Variants in ERMARD observed in about 807,000 individuals in gnomAD.
ERMARD encodes ER membrane associated RNA degradation, also known as endoplasmic reticulum membrane-associated RNA degradation protein.
ERMARD carries 71 observed loss-of-function variants against 83.9 expected under a neutral mutation model. That is an observed-to-expected ratio of 0.85 (90% confidence interval 0.70 to 1.03). The LOEUF (loss-of-function observed/expected upper bound fraction) is 1.03. ERMARD is among the 50% of genes least tolerant of loss of function. The pLI, the probability that ERMARD is intolerant of heterozygous loss-of-function variation, is 0.00. For missense variants in ERMARD, 838 were observed against 810.9 expected (o/e 1.03, Z -0.41); for synonymous variants, 284 against 298.6 (o/e 0.95, Z 0.50).
rs1791441599 is a variant in ERMARD at position 169,760,720 on chromosome 6, AT to A, written c.823del (p.Trp275GlyfsTer21). On this transcript the variant is annotated frameshift_variant, in exon 8 of 18. Transcript: ENST00000366773. LOFTEE classifies it high-confidence loss of function. ...SAFILKIMLP[Y>X]WEVALVKFKS... Reference sequence around the variant, plus strand: ...TTTATATTAAAAATCATGTTACCATATTGGGAAGTTGCACTGGTCAAGTTCA... The same window carrying A: ...TTTATATTAAAAATCATGTTACCATATGGGAAGTTGCACTGGTCAAGTTCA... 1 of 1,614,048 alleles carries A rather than the reference AT, an allele frequency of 6.2e-7. No homozygotes were observed.
Position 169,759,083 on chromosome 6 carries a change from A to T in ERMARD, c.605+18A>T. Reference sequence around the variant, plus strand: ...CCTCCAAAGTAAGTTGCAAGTGAAGACATTTTCTTCCTTTTTTGGATCTAC... The same window carrying T: ...CCTCCAAAGTAAGTTGCAAGTGAAGTCATTTTCTTCCTTTTTTGGATCTAC... On this transcript the variant is annotated intron_variant, in intron 6 of 17. Transcript: ENST00000366773. 6.3e-7 allele frequency: 1 copy of T among 1,598,924 alleles called. No individual in the cohort carries two copies. The highest frequency in any genetic ancestry group is 8.6e-7 in the Non-Finnish European group (1 of 1,169,442).
intron 1 of ERMARD, 58 bp downstream of exon 1, chr6:169,751,721 C>A: frequency 6.6e-7 from 1 of 1,510,592 alleles, no homozygotes; most frequent in Non-Finnish European, 8.9e-7. Flanking sequence ...CGGCGCCAGG[C>A]TGGGTGGTGC....
intron 3 of ERMARD, among the ~76,000 whole-genome samples, 192 bp from the exon 4 acceptor site, chr6:169,756,146 G>A (rs1442090849): frequency 6.6e-6 from 1 of 152,068 alleles, no homozygotes. Flanking sequence ...AACCTTCAAG[G>A]AATTCTTTAG....
At chr6:169,758,191 C>A (rs1259595580) in intron 5 of ERMARD, among the ~76,000 whole-genome samples, 1 of 152,176 alleles carries the variant, frequency 6.6e-6, no homozygotes, top group Non-Finnish European at 1.5e-5. Context: ...AGCCATCTTT[C>A]ACATGCATGA....
rs767328692 is a variant in ERMARD, at chr6:169,756,319, T to C, written c.316-19T>C. 2.0e-6 allele frequency: 3 copies of C among 1,468,420 alleles called. No homozygotes were observed. The highest frequency in any genetic ancestry group is 2.4e-5 in the South Asian group (2 of 84,450). The allele number at this position is 1,468,420 out of a possible 1,614,324, so 91.0% of individuals were successfully genotyped here. On this transcript the variant is annotated intron_variant, in intron 3 of 17. Coordinates refer to ENST00000366773, the MANE Select transcript of ERMARD (RefSeq NM_018341.3). ...TAGTTTCAGAGTGTACATCCTAATA[T>C]GTGTTTTATTGTAAATAGTTATTTC...
intron 9 of ERMARD, among the ~76,000 whole-genome samples, chr6:169,763,032 AC>A (rs1349273752): frequency 6.6e-6 from 1 of 152,236 alleles, no homozygotes; most frequent in Non-Finnish European, 1.5e-5. Context: ...GTGTACACAC[AC>A]GCGTACACAC....
chr6:169,764,107 C>T (rs563453744), intron 9 of ERMARD, among the ~76,000 whole-genome samples: 87 of 152,350 alleles, frequency 5.7e-4, no homozygotes, highest in Non-Finnish European at 6.9e-4. Flanking sequence ...CCAGCACAGC[C>T]GGTGGTTTCC....
intron 2 of ERMARD, among the ~76,000 whole-genome samples, chr6:169,754,428 A>G (rs1226053760): frequency 1.3e-5 from 2 of 152,186 alleles, no homozygotes; most frequent in Non-Finnish European, 2.9e-5. Flanking sequence ...TGGAGCAGAG[A>G]TATAGGTGGG....
upstream of ERMARD, chr6:169,751,550 C>A: frequency 6.2e-7 from 1 of 1,610,740 alleles, no homozygotes; most frequent in Non-Finnish European, 8.5e-7. Flanking sequence ...AGTCTCCCAC[C>A]TGCGCCTCGT....
intron 6 of ERMARD, 62 bp downstream of exon 6, chr6:169,759,127 T>C: frequency 7.4e-7 from 1 of 1,359,726 alleles, no homozygotes; most frequent in Non-Finnish European, 1.0e-6. Context: ...TTTTTAAATT[T>C]TGAATTTCAT....
chr6:169,777,598 CACTT>C (rs1006205878), intron 16 of ERMARD, among the ~76,000 whole-genome samples: 116 of 152,270 alleles, frequency 7.6e-4, no homozygotes, highest in African/African-American at 2.7e-3. Flanking sequence ...AGACCCAAAA[CACTT>C]ACAATGTTAA....
chr6:169,779,007 C>A (rs1158032046), intron 16 of ERMARD, among the ~76,000 whole-genome samples, 175 bp from the exon 17 acceptor site: 1 of 152,260 alleles, frequency 6.6e-6, no homozygotes, highest in East Asian at 1.9e-4. Context: ...CTGGGCACTC[C>A]TGCCGGCCAC....
At chr6:169,777,190 A>G (rs1343529923) in intron 16 of ERMARD, among the ~76,000 whole-genome samples, 1 of 152,170 alleles carries the variant, frequency 6.6e-6, no homozygotes, top group African/African-American at 2.4e-5. Flanking sequence ...GTGAAGCTGC[A>G]TTTTACATAG....
At chr6:169,779,900 C>T (rs748944378) in intron 17 of ERMARD, among the ~76,000 whole-genome samples, 1 of 152,196 alleles carries the variant, frequency 6.6e-6, no homozygotes, top group Non-Finnish European at 1.5e-5. Flanking sequence ...AGATTCCAAA[C>T]CAAGGAGGCT....
Position 169,779,194 on chromosome 6 carries a change from G to C in ERMARD, c.1752G>C (p.Leu584=). Residue 584 remains leucine, a synonymous_variant, in exon 17 of 18, where the codon CTG becomes CTC. Coordinates refer to ENST00000366773, the MANE Select transcript of ERMARD (RefSeq NM_018341.3). The part of the protein sequence containing the change: ...YLRMWSSIRL[L]SPVLSLILLL... ...TATCTGTTTTTAGTATCAGACTACT[G>C]TCCCCTGTGCTCAGCCTGATACTGT... 6.2e-7 allele frequency: 1 copy of C among 1,613,956 alleles called. No homozygotes were observed. The highest frequency in any genetic ancestry group is 8.5e-7 in the Non-Finnish European group (1 of 1,179,780).
chr6:169,767,574 C>T (rs1792364316), intron 10 of ERMARD: 1 of 157,706 alleles, frequency 6.3e-6, no homozygotes, highest in African/African-American at 2.5e-5. Context: ...TGTACACAAA[C>T]ACACATGCAC....
In ERMARD at chr6:169,759,983, T is replaced by G; in HGVS notation, c.742+9T>G. ...TTTGATTGTTTTTCCTGGTAAGTACTATGTTTCACATTTTTCCTTATAGCT... is the reference window on the plus strand; with the variant it reads ...TTTGATTGTTTTTCCTGGTAAGTACGATGTTTCACATTTTTCCTTATAGCT... On this transcript the variant is annotated intron_variant, in intron 7 of 17. Coordinates refer to ENST00000366773, the MANE Select transcript of ERMARD (RefSeq NM_018341.3). 1 of 1,614,138 alleles carries G rather than the reference T, an allele frequency of 6.2e-7. No homozygotes were observed. The highest frequency in any genetic ancestry group is 8.5e-7 in the Non-Finnish European group (1 of 1,180,014).
chr6:169,764,678 C>T (rs1454241777), intron 9 of ERMARD, among the ~76,000 whole-genome samples: 1 of 152,164 alleles, frequency 6.6e-6, no homozygotes, highest in African/African-American at 2.4e-5. Flanking sequence ...AGTTCATCCT[C>T]TTCACGTGGC....
Position 169,776,072 on chromosome 6 carries a change from T to G in ERMARD, c.1520+7T>G. ...ATCGTCTTCCTACTGAGACGTAAGT[T>G]CCAGGACATCCTGACAACTGTTGAA... On this transcript the variant is annotated splice_region_variant and intron_variant, in intron 15 of 17. Transcript: ENST00000366773. 6.2e-7 allele frequency: 1 copy of G among 1,611,608 alleles called. No individual in the cohort carries two copies. The highest frequency in any genetic ancestry group is 8.5e-7 in the Non-Finnish European group (1 of 1,179,234).
Sources: allele counts gnomAD v4.1 joint callset (sites outside exome capture counted in the v4.1 genomes callset), GRCh38; gene constraint gnomAD v4.1.1; transcripts MANE v1.5; gene names NCBI Gene and HGNC (gene_info 2026-07-23, HGNC 2026-07-21).